ZBTB20: variants seen among roughly 807,000 people sequenced by gnomAD.
The protein encoded by ZBTB20 is zinc finger and BTB domain-containing protein 20.
ZBTB20 carries 9 observed loss-of-function variants against 56.9 expected under a neutral mutation model. The ratio of observed to expected loss-of-function variants is 0.16; its 90% CI spans 0.10 to 0.28. The LOEUF (loss-of-function observed/expected upper bound fraction) is 0.28, where lower values mean the gene tolerates loss of function less well. Among genes scored for constraint, ZBTB20 ranks in the 10% least tolerant of loss-of-function variants. ZBTB20 has a pLI of 1.00. For synonymous variants in ZBTB20, 417 were observed against 420.7 expected, an observed-to-expected ratio of 0.99 and a Z score of 0.11; for missense variants, 655 against 1,003.0, an observed-to-expected ratio of 0.65 and a Z score of 4.69.
At chr3:115,142,197 T>G (rs2084829967) in intron 1 of ZBTB20, among the ~76,000 whole-genome samples, 1 of 152,242 alleles carries the variant, frequency 6.6e-6, no homozygotes, top group Non-Finnish European at 1.5e-5. Context: ...CAGGCAGGAC[T>G]GGAATTATTT....
intron 4 of ZBTB20, among the ~76,000 whole-genome samples, chr3:114,847,361 A>T (rs2074763738): frequency 1.3e-5 from 2 of 151,966 alleles, no homozygotes; most frequent in African/African-American, 4.8e-5. Flanking sequence ...CTGATCACCA[A>T]CTTTGAATAT....
Position 114,568,661 on chromosome 3 carries a change from C to T in ZBTB20, c.-294-68270G>A, listed in dbSNP as rs574491035. On this transcript the variant is annotated intron_variant, in intron 6 of 11. Coordinates refer to ENST00000675478, the MANE Select transcript of ZBTB20 (RefSeq NM_001348800.3). ...ACCTACCAAATGCTTTATTTCTTCT[C>T]TCATGGATGTTATCAATACTTGATT... is the stretch of plus-strand genomic sequence containing the variant. Among the ~76,000 whole-genome samples, 5 of 152,252 alleles carry T rather than the reference C, an allele frequency of 3.3e-5. No homozygotes were observed. In the South Asian group the frequency reaches 8.3e-4, roughly 25 times the overall value.
At chr3:114,840,282 T>C (rs1325626468) in intron 4 of ZBTB20, among the ~76,000 whole-genome samples, 1 of 152,240 alleles carries the variant, frequency 6.6e-6, no homozygotes, top group African/African-American at 2.4e-5. Flanking sequence ...AATTCACGCA[T>C]GTGCAACATG....
chr3:114,668,325 G>GA (rs1421712085), intron 6 of ZBTB20, among the ~76,000 whole-genome samples: 5 of 151,990 alleles, frequency 3.3e-5, no homozygotes, highest in Non-Finnish European at 7.4e-5. Flanking sequence ...TCATCAGTCA[G>GA]AACAGCACAA....
At chr3:114,947,854 T>G (rs993187307) in intron 3 of ZBTB20, among the ~76,000 whole-genome samples, 1 of 145,106 alleles carries the variant, frequency 6.9e-6, no homozygotes, top group Non-Finnish European at 1.5e-5. Context: ...ACTCAAATAG[T>G]TTCACAGGTA....
intron 7 of ZBTB20, among the ~76,000 whole-genome samples, chr3:114,474,209 G>A (rs1223810376): frequency 6.6e-6 from 1 of 152,186 alleles, no homozygotes; most frequent in Non-Finnish European, 1.5e-5. Context: ...AGGTTTGGGT[G>A]GGGGTACAGC....
chr3:114,328,851 A>G lies in ZBTB20; in HGVS notation c.*10154T>C, dbSNP rs541968954. 1 of 152,348 alleles carries G rather than the reference A, an allele frequency of 6.6e-6. No individual in the cohort carries two copies. The highest frequency in any genetic ancestry group is 2.1e-4 in the South Asian group (1 of 4,828). 9.4% of individuals were successfully genotyped at this position (152,348 alleles called of 1,614,324 possible). On this transcript the variant is annotated 3_prime_UTR_variant, in exon 12 of 12. Transcript: ENST00000675478. ...TGAAGACAAATAGGTAATTTGAAGT[A>G]GTCTTCAAGAGAAACAAGAAATAAA...
At chr3:114,930,995 G>T in intron 3 of ZBTB20, 1 of 177,842 alleles carries the variant, frequency 5.6e-6, no homozygotes, top group South Asian at 1.5e-4. Flanking sequence ...TAGTGAGAGT[G>T]GAGAAAAGAA....
At chr3:114,696,518 G>A (rs529500888) in intron 5 of ZBTB20, among the ~76,000 whole-genome samples, 1 of 152,118 alleles carries the variant, frequency 6.6e-6, no homozygotes, top group African/African-American at 2.4e-5. Context: ...AGTGCCTAGG[G>A]CTGTGCTATC....
At chr3:115,046,347 A>AT (rs1256008401) in intron 2 of ZBTB20, among the ~76,000 whole-genome samples, 2 of 152,086 alleles carry the variant, frequency 1.3e-5, no homozygotes, top group African/African-American at 4.8e-5. Context: ...AGAAAAAAAA[A>AT]GTCTTCATGT....
intron 7 of ZBTB20, among the ~76,000 whole-genome samples, chr3:114,491,617 C>T (rs1257323901): frequency 3.3e-5 from 5 of 152,136 alleles, no homozygotes; most frequent in Non-Finnish European, 5.9e-5. Flanking sequence ...ATCTCTCTGG[C>T]CTTATCAGTA....
intron 5 of ZBTB20, among the ~76,000 whole-genome samples, chr3:114,778,152 G>A (rs1446093913): frequency 3.4e-5 from 5 of 148,292 alleles, no homozygotes; most frequent in Non-Finnish European, 4.5e-5. Flanking sequence ...GCTAAATGAC[G>A]AGTTAATGGG....
intron 6 of ZBTB20, among the ~76,000 whole-genome samples, chr3:114,590,052 GC>G (rs1436830196): frequency 6.6e-6 from 1 of 152,114 alleles, no homozygotes; most frequent in African/African-American, 2.4e-5. Flanking sequence ...AATATTGACA[GC>G]AACAAACAGA....
In ZBTB20 at chr3:114,630,639, G is replaced by GC. The variant is rs537228115; in HGVS notation, c.-295+62888dup. On this transcript the variant is annotated intron_variant, in intron 6 of 11. Transcript: ENST00000675478. ...AGAAGCCAGGCTCTGGAGAAACCGT[G>GC]CACATTGCAGGAGGCTGCCAAAGTA... Among the ~76,000 whole-genome samples the GC allele has an allele frequency of 2.4e-3, 364 of 152,336 alleles. 1 individual carries two copies. Among genetic ancestry groups the GC allele is most frequent in the African/African-American group, 7.6e-3 (314 of 41,574 alleles).
chr3:115,008,617 G>A (rs1378449074), intron 2 of ZBTB20, among the ~76,000 whole-genome samples: 2 of 151,926 alleles, frequency 1.3e-5, no homozygotes, highest in East Asian at 2.0e-4. Context: ...AAAGATAAAT[G>A]TCTAATATAA....
At chr3:114,420,228 G>C (rs2089012131) in intron 7 of ZBTB20, among the ~76,000 whole-genome samples, 1 of 152,104 alleles carries the variant, frequency 6.6e-6, no homozygotes, top group Non-Finnish European at 1.5e-5. Flanking sequence ...GGGAAGCCCA[G>C]GAGAGCTGGG....
At chr3:114,855,021 T>C (rs760068109) in intron 4 of ZBTB20, among the ~76,000 whole-genome samples, 9 of 152,220 alleles carry the variant, frequency 5.9e-5, no homozygotes, top group Non-Finnish European at 1.2e-4. Context: ...TATCCTAATC[T>C]TAAATCTTTA....
At chr3:115,095,075 A>C (rs1481166724) in intron 1 of ZBTB20, among the ~76,000 whole-genome samples, 1 of 152,124 alleles carries the variant, frequency 6.6e-6, no homozygotes, top group Non-Finnish European at 1.5e-5. Context: ...ATATCTCAAG[A>C]CACAGAAGTA....
At chr3:114,857,821 C>G (rs1325423086) in intron 4 of ZBTB20, among the ~76,000 whole-genome samples, 1 of 152,128 alleles carries the variant, frequency 6.6e-6, no homozygotes, top group Admixed American at 6.5e-5. Flanking sequence ...GAAAAAGAAC[C>G]AAGAACAATT....
Sources: gnomAD v4.1 joint callset for allele counts (sites outside exome capture counted in the v4.1 genomes callset) on GRCh38, gnomAD v4.1.1 for gene constraint, MANE v1.5 for transcripts, NCBI Gene and HGNC (gene_info 2026-07-23, HGNC 2026-07-21) for gene names.